DEGS1: variants seen among roughly 807,000 people sequenced by gnomAD.
DEGS1 encodes sphingolipid delta(4)-desaturase DES1.
DEGS1 carries 17 observed loss-of-function variants against 24.1 expected under a neutral mutation model. The observed-to-expected ratio is 0.70, with a 90% confidence interval of 0.48 to 1.06. The LOEUF (loss-of-function observed/expected upper bound fraction) is 1.06, where lower values mean the gene tolerates loss of function less well. Ranked by LOEUF, DEGS1 falls within the 50% of genes least tolerant of loss-of-function variation. The probability of loss-of-function intolerance (pLI) is 0.00; values close to 1 mark genes in which losing one functional copy is unlikely to be tolerated. For synonymous variants in DEGS1, 134 were observed against 140.0 expected (o/e 0.96, Z 0.30); for missense variants, 366 against 408.9 (o/e 0.90, Z 0.91).
chr1:224,183,240 A>G lies in DEGS1; in HGVS notation c.-97A>G, dbSNP rs1558206994. The G allele has an allele frequency of 8.7e-7, 1 of 1,146,440 alleles. No homozygotes were observed. Among genetic ancestry groups the G allele is most frequent in the Non-Finnish European group, 1.2e-6 (1 of 839,772 alleles). The allele number at this position is 1,146,440 out of a possible 1,614,324, so 71.0% of individuals were successfully genotyped here. A position where few individuals can be genotyped will look rare whatever the true frequency, so the allele number is the denominator to read the frequency against. On this transcript the variant is annotated 5_prime_UTR_variant, in exon 1 of 3. Coordinates refer to ENST00000323699, the MANE Select transcript of DEGS1 (RefSeq NM_003676.4). ...CCGCGCTCCGCCACAGCCGGCCGAC[A>G]CCACACCAGCCGGGGAGCCGCCGCC...
chr1:224,190,133 G>T lies in DEGS1; in HGVS notation c.639G>T (p.Leu213Phe). ...GAATTAAATCCTTAGTCTACATGTT[G>T]GCAGCATCTTTACTTGGCCTGGGTT... ...FLGIKSLVYM[L>F]AASLLGLGLH... Residue 213 changes from leucine (L) to phenylalanine (F), a missense_variant, in exon 2 of 3, where the codon TTG (leucine) becomes TTT (phenylalanine). Leu to Phe is a conservative substitution (Grantham distance 22). Coordinates refer to ENST00000323699, the MANE Select transcript of DEGS1 (RefSeq NM_003676.4). 6.2e-7 allele frequency: 1 copy of T among 1,609,078 alleles called. No individual in the cohort carries two copies. Among genetic ancestry groups the T allele is most frequent in the Non-Finnish European group, 8.5e-7 (1 of 1,177,564 alleles).
chr1:224,189,096 A>G (rs1658468892), intron 1 of DEGS1, among the ~76,000 whole-genome samples: 1 of 152,104 alleles, frequency 6.6e-6, no homozygotes, highest in African/African-American at 2.4e-5. Context: ...AGCCTGTAGT[A>G]TTGGTTTTTA....
chr1:224,191,613 T>TTA (rs1658537502), intron 2 of DEGS1, among the ~76,000 whole-genome samples: 1 of 136,736 alleles, frequency 7.3e-6, no homozygotes, highest in Non-Finnish European at 1.6e-5. Flanking sequence ...TTTTTTTTTT[T>TTA]TGAGATGGAG....
intron 1 of DEGS1, among the ~76,000 whole-genome samples, chr1:224,184,819 G>A (rs1467810515): frequency 2.0e-5 from 3 of 151,992 alleles, no homozygotes; most frequent in Non-Finnish European, 2.9e-5. Context: ...CCCGGCCAGA[G>A]CACGAGCTTT....
intron 2 of DEGS1, among the ~76,000 whole-genome samples, chr1:224,191,782 A>G (rs1658542383): frequency 6.6e-6 from 1 of 151,750 alleles, no homozygotes; most frequent in Non-Finnish European, 1.5e-5. Flanking sequence ...TTTTTAGTAG[A>G]GATGGGGTTT....
In DEGS1 at chr1:224,186,578, C is replaced by G. The variant is rs1052240983; in HGVS notation, c.83-2999C>G. 7.2e-5 allele frequency among the ~76,000 whole-genome samples: 11 copies of G among 151,928 alleles called. 1 individual carries two copies. The East Asian group carries it at 2.1e-3, about 30-fold the overall frequency. Reference sequence around the variant, plus strand: ...AATACAAAAAATTAGCCGGGCGTGGCGGCAGCCACCTGTAGTCCCAACTAC... The same window carrying G: ...AATACAAAAAATTAGCCGGGCGTGGGGGCAGCCACCTGTAGTCCCAACTAC... On this transcript the variant is annotated intron_variant, in intron 1 of 2. Transcript: ENST00000323699.
chr1:224,183,240 A>T lies in DEGS1; in HGVS notation c.-97A>T, dbSNP rs1558206994. 8.7e-7 allele frequency: 1 copy of T among 1,146,324 alleles called. No homozygotes were observed. The highest frequency in any genetic ancestry group is 1.2e-6 in the Non-Finnish European group (1 of 839,776). 71.0% of individuals were successfully genotyped at this position (1,146,324 alleles called of 1,614,324 possible). A position where few individuals can be genotyped will look rare whatever the true frequency, so the allele number is the denominator to read the frequency against. ...CCGCGCTCCGCCACAGCCGGCCGAC[A>T]CCACACCAGCCGGGGAGCCGCCGCC... is the stretch of plus-strand genomic sequence containing the variant. On this transcript the variant is annotated 5_prime_UTR_variant, in exon 1 of 3. Transcript: ENST00000323699.
chr1:224,190,599 TAA>T (rs1303943898), intron 2 of DEGS1, among the ~76,000 whole-genome samples: 2 of 133,340 alleles, frequency 1.5e-5, no homozygotes. Flanking sequence ...AGCAGTTCAT[TAA>T]AAAAAAAAAA....
At chr1:224,190,396 C>G in intron 2 of DEGS1, 77 bp downstream of exon 2, 1 of 1,334,250 alleles carries the variant, frequency 7.5e-7, no homozygotes, top group Non-Finnish European at 9.8e-7. Flanking sequence ...CTCACTCAGT[C>G]GCCCAGGCTG....
intron 1 of DEGS1, among the ~76,000 whole-genome samples, chr1:224,184,921 G>T (rs896745803): frequency 1.3e-5 from 2 of 150,334 alleles, no homozygotes; most frequent in Non-Finnish European, 3.0e-5. Context: ...GATCGCTTCA[G>T]CCCAGAAGTT....
chr1:224,185,134 A>G (rs1469418145), intron 1 of DEGS1, among the ~76,000 whole-genome samples: 1 of 152,092 alleles, frequency 6.6e-6, no homozygotes, highest in Non-Finnish European at 1.5e-5. Context: ...TGGGACCACA[A>G]GCGCACACCA....
Position 224,189,788 on chromosome 1 carries a change from CA to C in DEGS1, c.296del (p.Asn99ThrfsTer44). 1 of 1,614,156 alleles carries C rather than the reference CA, an allele frequency of 6.2e-7. No homozygotes were observed. Among genetic ancestry groups the C allele is most frequent in the East Asian group, 2.2e-5 (1 of 44,886 alleles). Reference sequence around the variant, plus strand: ...AGATTGCCCACAATGCTGCCTTTGGCAACTGCAAAGCAATGTGGAATCGCTG... The same window carrying C: ...AGATTGCCCACAATGCTGCCTTTGGCACTGCAAAGCAATGTGGAATCGCTG... ...HEIAHNAAFG[N>X]CKAMWNRWFG... On this transcript the variant is annotated frameshift_variant, in exon 2 of 3. Coordinates refer to ENST00000323699, the MANE Select transcript of DEGS1 (RefSeq NM_003676.4). LOFTEE classifies it high-confidence loss of function.
rs1558210097 is a variant in DEGS1 at position 224,189,994 on chromosome 1, C to T, written c.500C>T (p.Pro167Leu). 6.2e-7 allele frequency: 1 copy of T among 1,614,228 alleles called. No individual in the cohort carries two copies. Among genetic ancestry groups the T allele is most frequent in the Non-Finnish European group, 8.5e-7 (1 of 1,180,050 alleles). Residue 167 changes from proline (P) to leucine (L), a missense_variant, in exon 2 of 3, where the codon CCT (proline) becomes CTT (leucine). Coordinates refer to ENST00000323699, the MANE Select transcript of DEGS1 (RefSeq NM_003676.4). The part of the protein sequence containing the change: ...FRKFIWVILQ[P>L]LFYAFRPLFI... ...AAGTTTATATGGGTTATTCTTCAGC[C>T]TCTCTTTTATGCCTTTCGACCTCTG...
At chr1:224,186,434 C>G (rs1658393337) in intron 1 of DEGS1, among the ~76,000 whole-genome samples, 1 of 152,116 alleles carries the variant, frequency 6.6e-6, no homozygotes, top group South Asian at 2.1e-4. Flanking sequence ...TATTTCTTGG[C>G]CGGGCATGGT....
chr1:224,189,766 T>G lies in DEGS1; in HGVS notation c.272T>G (p.Ile91Ser), dbSNP rs779453876. 11 of 1,614,090 alleles carry G rather than the reference T, an allele frequency of 6.8e-6. No individual in the cohort carries two copies. Among genetic ancestry groups the G allele is most frequent in the Non-Finnish European group, 9.3e-6 (11 of 1,180,038 alleles). ...TCAATGACTCTGGCTATTCATGAGATTGCCCACAATGCTGCCTTTGGCAAC... is the reference window on the plus strand; with the variant it reads ...TCAATGACTCTGGCTATTCATGAGAGTGCCCACAATGCTGCCTTTGGCAAC... ...NHSMTLAIHE[I>S]AHNAAFGNCK... The change falls in exon 2 of 3, where the codon ATT becomes AGT. Residue 91 changes from isoleucine to serine, a missense_variant. Ile to Ser is a moderately radical substitution (Grantham distance 142, BLOSUM62 -2). Coordinates refer to ENST00000323699, the MANE Select transcript of DEGS1 (RefSeq NM_003676.4).
chr1:224,184,781 T>A (rs944593178), intron 1 of DEGS1, among the ~76,000 whole-genome samples: 12 of 151,778 alleles, frequency 7.9e-5, no homozygotes, highest in Non-Finnish European at 4.4e-5. Flanking sequence ...CTCCCGAAGT[T>A]TTGGGATTAC....
chr1:224,185,444 C>T (rs949392432), intron 1 of DEGS1, among the ~76,000 whole-genome samples: 14 of 152,158 alleles, frequency 9.2e-5, no homozygotes, highest in Non-Finnish European at 5.9e-5. Flanking sequence ...GTCCGCATAC[C>T]TCAGCCTGCC....
chr1:224,186,440 A>G (rs571590461), intron 1 of DEGS1, among the ~76,000 whole-genome samples: 28 of 152,140 alleles, frequency 1.8e-4, no homozygotes, highest in Admixed American at 7.9e-4. Flanking sequence ...TTGGCCGGGC[A>G]TGGTGGCTCA....
intron 1 of DEGS1, among the ~76,000 whole-genome samples, chr1:224,188,136 T>A (rs1572042141): frequency 1.3e-5 from 2 of 152,044 alleles, no homozygotes; most frequent in East Asian, 3.9e-4. Flanking sequence ...CATGCTCCTG[T>A]AGTCCCAGCT....
Sources: gnomAD v4.1 joint callset for allele counts (sites outside exome capture counted in the v4.1 genomes callset) on GRCh38, gnomAD v4.1.1 for gene constraint, MANE v1.5 for transcripts, NCBI Gene and HGNC (gene_info 2026-07-23, HGNC 2026-07-21) for gene names.